XPNPEP3: variants seen among roughly 807,000 people sequenced by gnomAD.
XPNPEP3 encodes the protein xaa-Pro aminopeptidase 3.
Under a neutral mutation model 60.0 loss-of-function variants are expected in XPNPEP3, and 41 were observed. The ratio of observed to expected loss-of-function variants is 0.68; its 90% CI spans 0.53 to 0.89. The LOEUF is 0.89. Among genes scored for constraint, XPNPEP3 ranks in the 40% least tolerant of loss-of-function variants. The pLI is 0.00. For synonymous variants in XPNPEP3, 212 were observed against 223.2 expected (o/e 0.95, Z 0.45); for missense variants, 598 against 638.9 (o/e 0.94, Z 0.69).
Position 40,932,604 on chromosome 22 carries a change from T to C in XPNPEP3, c.*6169T>C, listed in dbSNP as rs2058258574. On this transcript the variant is annotated 3_prime_UTR_variant, in exon 10 of 10. Coordinates refer to ENST00000357137, the MANE Select transcript of XPNPEP3 (RefSeq NM_022098.4). ...GAGGACCCACTGGAATCAAGGCTTC[T>C]TGGAATTGCGCAAGAATCTGAGAAA... The C allele has an allele frequency of 1.3e-5, 2 of 152,198 alleles. No individual in the cohort carries two copies. Among genetic ancestry groups the C allele is most frequent in the Non-Finnish European group, 2.9e-5 (2 of 68,048 alleles). 9.4% of individuals were successfully genotyped at this position (152,198 alleles called of 1,614,324 possible). A position where few individuals can be genotyped will look rare whatever the true frequency, so the allele number is the denominator to read the frequency against.
At chr22:40,916,012 G>A (rs1181393785) in intron 7 of XPNPEP3, among the ~76,000 whole-genome samples, 1 of 152,154 alleles carries the variant, frequency 6.6e-6, no homozygotes, top group Admixed American at 6.5e-5. Flanking sequence ...AATAATCCTG[G>A]CCAGGTGCAG....
At chr22:40,924,812 C>T (rs993969604) in intron 9 of XPNPEP3, among the ~76,000 whole-genome samples, 20 of 152,206 alleles carry the variant, frequency 1.3e-4, no homozygotes, top group East Asian at 1.2e-3. Flanking sequence ...TGAGCTACCG[C>T]GCCCAGCCAC....
At chr22:40,908,401 C>G (rs2058164454) in intron 5 of XPNPEP3, among the ~76,000 whole-genome samples, 1 of 151,958 alleles carries the variant, frequency 6.6e-6, no homozygotes, top group South Asian at 2.1e-4. Context: ...CACCTGTAGT[C>G]CAGTTACTCT....
chr22:40,886,291 T>C, intron 3 of XPNPEP3, 22 bp from the exon 4 acceptor site: 1 of 1,612,378 alleles, frequency 6.2e-7, no homozygotes, highest in Non-Finnish European at 8.5e-7. Flanking sequence ...TTTAAATTTA[T>C]TTTTCGGCTT....
chr22:40,861,041 A>C (rs756507197), intron 1 of XPNPEP3: 2 of 1,551,002 alleles, frequency 1.3e-6, no homozygotes, highest in Non-Finnish European at 1.7e-6. Flanking sequence ...TTGTGTTCAA[A>C]TGTTATATAT....
intron 1 of XPNPEP3, chr22:40,862,741 A>G (rs1161332839): frequency 1.0e-6 from 1 of 985,334 alleles, no homozygotes; most frequent in East Asian, 1.1e-4. Context: ...AAAACATGTA[A>G]TTAAAGATTT....
chr22:40,932,734 A>T lies in XPNPEP3; in HGVS notation c.*6299A>T, dbSNP rs996681710. ...GTTACTTTTTAAGGCATTACTAATA[A>T]CTGAAAATAGTTACGTCATTGCCCA... On this transcript the variant is annotated 3_prime_UTR_variant, in exon 10 of 10. Transcript: ENST00000357137. The T allele has an allele frequency of 6.6e-6, 1 of 152,194 alleles. No individual in the cohort carries two copies. The highest frequency in any genetic ancestry group is 1.5e-5 in the Non-Finnish European group (1 of 68,028). 9.4% of individuals were successfully genotyped at this position (152,194 alleles called of 1,614,324 possible). A position where few individuals can be genotyped will look rare whatever the true frequency, so the allele number is the denominator to read the frequency against.
intron 6 of XPNPEP3, among the ~76,000 whole-genome samples, chr22:40,911,925 C>T (rs753251175): frequency 6.6e-6 from 1 of 152,150 alleles, no homozygotes; most frequent in Non-Finnish European, 1.5e-5. Flanking sequence ...CATTCTCTTA[C>T]TAGTGTACAC....
rs181730103 is a variant in XPNPEP3 at position 40,925,377 on chromosome 22, G to A, written c.1358-892G>A. 2.6e-3 allele frequency among the ~76,000 whole-genome samples: 402 copies of A among 152,264 alleles called. 10 individuals carry two copies. The highest frequency in any genetic ancestry group is 0.024 in the Admixed American group (368 of 15,268). ...TGATGCTGGTTTTGTTTTGAAAACA[G>A]ATCTAAATTTTAGATTTCAAGTATT... On this transcript the variant is annotated intron_variant, in intron 9 of 9. Transcript: ENST00000357137.
At chr22:40,925,548 C>T (rs2058231757) in intron 9 of XPNPEP3, among the ~76,000 whole-genome samples, 1 of 152,112 alleles carries the variant, frequency 6.6e-6, no homozygotes, top group Non-Finnish European at 1.5e-5. Context: ...GCTACATTTT[C>T]CTTTGCTGAT....
At chr22:40,871,920 C>G (rs549213111) in intron 2 of XPNPEP3, among the ~76,000 whole-genome samples, 1 of 152,322 alleles carries the variant, frequency 6.6e-6, no homozygotes, top group Admixed American at 6.5e-5. Flanking sequence ...GTAGTCCCAG[C>G]TATTCAGGAG....
chr22:40,886,451 T>A lies in XPNPEP3; in HGVS notation c.728T>A (p.Leu243His). 1 of 1,614,106 alleles carries A rather than the reference T, an allele frequency of 6.2e-7. No individual in the cohort carries two copies. Among genetic ancestry groups the A allele is most frequent in the Non-Finnish European group, 8.5e-7 (1 of 1,180,026 alleles). ...GGTGTTCAGCAGCTGATACAGCGCC[T>A]CCGGCTGATCAAGTCTCCTGCAGAA... ...VRGVQQLIQR[L>H]RLIKSPAEIE... The change falls in exon 4 of 10, where the codon CTC becomes CAC. Residue 243 changes from leucine (L) to histidine (H), a missense_variant. By Grantham distance (99) the Leu-to-His change is moderately conservative. Transcript: ENST00000357137.
At chr22:40,891,207 T>C (rs1048796908) in intron 4 of XPNPEP3, among the ~76,000 whole-genome samples, 1 of 150,864 alleles carries the variant, frequency 6.6e-6, no homozygotes, top group South Asian at 2.1e-4. Context: ...AAAAAAGTTT[T>C]TAATTAGCTG....
chr22:40,907,561 C>G, intron 4 of XPNPEP3, 26 bp from the exon 5 acceptor site: 2 of 1,607,732 alleles, frequency 1.2e-6, no homozygotes, highest in African/African-American at 1.3e-5. Context: ...AGATCGTGTT[C>G]TTTTCATCCT....
At chr22:40,911,831 T>C (rs1427825851) in intron 6 of XPNPEP3, among the ~76,000 whole-genome samples, 2 of 152,166 alleles carry the variant, frequency 1.3e-5, no homozygotes, top group African/African-American at 4.8e-5. Flanking sequence ...TGAGCCACCA[T>C]GCCCGTCCTA....
At position 40,927,039 on chromosome 22, in the gene XPNPEP3, T is replaced by G; in HGVS notation, c.*604T>G. 6.4e-6 allele frequency: 1 copy of G among 156,234 alleles called. No homozygotes were observed. The highest frequency in any genetic ancestry group is 1.4e-5 in the Non-Finnish European group (1 of 70,442). The allele number at this position is 156,234 out of a possible 1,614,324, so 9.7% of individuals were successfully genotyped here. On this transcript the variant is annotated 3_prime_UTR_variant, in exon 10 of 10. Transcript: ENST00000357137. The stretch of plus-strand genomic sequence containing the variant: ...CTTACTAGTCAGCCACAGTCCAGGT[T>G]CCAGCAACACTAGCTACCTACCAAA...
chr22:40,872,467 T>G (rs76018562), intron 2 of XPNPEP3, among the ~76,000 whole-genome samples: 1 of 152,034 alleles, frequency 6.6e-6, no homozygotes, highest in African/African-American at 2.4e-5. Context: ...TTTTTTTTTT[T>G]GAGACGGAAT....
At chr22:40,907,131 C>G in intron 4 of XPNPEP3, 1 of 456,212 alleles carries the variant, frequency 2.2e-6, no homozygotes, top group Non-Finnish European at 4.4e-6. Flanking sequence ...TTCAGAAATC[C>G]GTATTATTGG....
Position 40,926,262 on chromosome 22 carries a change from T to A in XPNPEP3, c.1358-7T>A. 1 of 1,614,148 alleles carries A rather than the reference T, an allele frequency of 6.2e-7. No homozygotes were observed. The highest frequency in any genetic ancestry group is 8.5e-7 in the Non-Finnish European group (1 of 1,180,030). On this transcript the variant is annotated splice_region_variant and splice_polypyrimidine_tract_variant and intron_variant, in intron 9 of 9. Transcript: ENST00000357137. ...CTGAACAGCATGTTCTTCTTTCTAC[T>A]TCACAGGCATTTATATTCCAGAGGA...
Sources: gnomAD v4.1 joint callset for allele counts (sites outside exome capture counted in the v4.1 genomes callset) on GRCh38, gnomAD v4.1.1 for gene constraint, MANE v1.5 for transcripts, NCBI Gene and HGNC (gene_info 2026-07-23, HGNC 2026-07-21) for gene names.